DLGAP1: variants seen among roughly 807,000 people sequenced by gnomAD.
DLGAP1 encodes disks large-associated protein 1.
Under a neutral mutation model 90.8 loss-of-function variants are expected in DLGAP1, and 11 were observed. The observed-to-expected ratio is 0.12, with a 90% CI of 0.08 to 0.20. The LOEUF (loss-of-function observed/expected upper bound fraction) is 0.20, where lower values mean the gene tolerates loss of function less well. DLGAP1 is among the 10% of genes least tolerant of loss of function. The pLI is 1.00. For missense variants in DLGAP1, 1,050 were observed against 1,333.8 expected (o/e 0.79, Z 3.31); for synonymous variants, 558 against 540.7 (o/e 1.03, Z -0.44).
rs895895444 is a variant in DLGAP1, at chr18:3,753,981, A to G, written c.1173-11469T>C. Among the ~76,000 whole-genome samples the G allele has an allele frequency of 2.6e-5, 4 of 152,112 alleles. No individual in the cohort carries two copies. The East Asian group carries it at 7.7e-4, about 29-fold the overall frequency. ...ATGGCATAGTATTTGCAAATAACCT[A>G]TGCACATCCTCCCATCTATTTTATT... On this transcript the variant is annotated intron_variant, in intron 5 of 12. Coordinates refer to ENST00000315677, the MANE Select transcript of DLGAP1 (RefSeq NM_004746.4).
intron 1 of DLGAP1, among the ~76,000 whole-genome samples, chr18:4,233,995 CTTAA>C (rs1403860694): frequency 8.6e-5 from 13 of 151,806 alleles, no homozygotes; most frequent in African/African-American, 3.1e-4. Flanking sequence ...ATTTAAATAT[CTTAA>C]TTTTCACTTC....
intron 1 of DLGAP1, among the ~76,000 whole-genome samples, chr18:4,158,556 CT>C (rs1202522477): frequency 6.6e-6 from 1 of 152,138 alleles, no homozygotes; most frequent in Non-Finnish European, 1.5e-5. Context: ...AGAACACCTT[CT>C]TTTGAAAATC....
intron 4 of DLGAP1, among the ~76,000 whole-genome samples, chr18:3,828,621 CAG>C (rs2067855214): frequency 1.9e-5 from 2 of 102,776 alleles, no homozygotes; most frequent in Admixed American, 3.2e-4. Flanking sequence ...GCCTGGGTGA[CAG>C]AGCAAGACTC....
chr18:3,814,418 G>A lies in DLGAP1; in HGVS notation c.958-145C>T. On this transcript the variant is annotated intron_variant, in intron 4 of 12. Coordinates refer to ENST00000315677, the MANE Select transcript of DLGAP1 (RefSeq NM_004746.4). Reference sequence around the variant, plus strand: ...GCTTTGTCGCCCAGACTGGAGTGCAGTGGTGCAATCTTGGCTCACTGCAAG... The same window carrying A: ...GCTTTGTCGCCCAGACTGGAGTGCAATGGTGCAATCTTGGCTCACTGCAAG... 18 of 759,958 alleles carry A rather than the reference G, an allele frequency of 2.4e-5. No individual in the cohort carries two copies. In the South Asian group the frequency reaches 3.6e-4, roughly 15 times the overall value. 47.1% of individuals were successfully genotyped at this position (759,958 alleles called of 1,614,324 possible).
intron 1 of DLGAP1, among the ~76,000 whole-genome samples, chr18:4,166,961 A>G (rs2076943845): frequency 1.3e-5 from 2 of 152,218 alleles, no homozygotes; most frequent in South Asian, 4.1e-4. Context: ...TAATGTTTGC[A>G]TAATAATGTG....
intron 1 of DLGAP1, among the ~76,000 whole-genome samples, chr18:4,232,918 A>T (rs1477940648): frequency 6.6e-6 from 1 of 152,232 alleles, no homozygotes; most frequent in East Asian, 1.9e-4. Flanking sequence ...CAGCTCTCAA[A>T]GGAAACCACA....
At chr18:4,349,551 T>G (rs1171645386) in intron 1 of DLGAP1, among the ~76,000 whole-genome samples, 1 of 151,486 alleles carries the variant, frequency 6.6e-6, no homozygotes, top group African/African-American at 2.4e-5. Flanking sequence ...AGAATAAAAG[T>G]GAAAAAAAAC....
chr18:4,153,175 T>C (rs193219613), intron 1 of DLGAP1, among the ~76,000 whole-genome samples: 21 of 152,336 alleles, frequency 1.4e-4, no homozygotes, highest in Admixed American at 1.4e-3. Flanking sequence ...TGTCATCTAG[T>C]GTAATGGTTG....
rs71366699 is a variant in DLGAP1, at chr18:3,659,394, T to TACACACACACAC, written c.1591+69729_1591+69740dup. Among the ~76,000 whole-genome samples, 109 of 102,168 alleles carry TACACACACACAC rather than the reference T, an allele frequency of 1.1e-3. 5 individuals are homozygous for TACACACACACAC. Among genetic ancestry groups the TACACACACACAC allele is most frequent in the African/African-American group, 3.6e-3 (75 of 21,026 alleles). The allele number at this position is 102,168 out of a possible 152,430, so 67.0% of individuals were successfully genotyped here. ...GGGTAAGCCGTAACACATACATTTA[T>TACACACACACAC]ACACACACACACACACACACACACA... On this transcript the variant is annotated intron_variant, in intron 7 of 12. Transcript: ENST00000315677.
At chr18:4,292,976 C>A (rs1225159458) in intron 1 of DLGAP1, among the ~76,000 whole-genome samples, 1 of 152,156 alleles carries the variant, frequency 6.6e-6, no homozygotes, top group African/African-American at 2.4e-5. Context: ...TAGGTGATAA[C>A]TTTGAAAGGT....
chr18:4,150,508 A>C (rs2076657445), intron 2 of DLGAP1, among the ~76,000 whole-genome samples: 1 of 152,046 alleles, frequency 6.6e-6, no homozygotes, highest in Non-Finnish European at 1.5e-5. Context: ...CTCCTGCCTT[A>C]GTCTCCCCAG....
chr18:3,699,099 G>C (rs1401945042), intron 7 of DLGAP1, among the ~76,000 whole-genome samples: 3 of 151,954 alleles, frequency 2.0e-5, no homozygotes, highest in Non-Finnish European at 2.9e-5. Flanking sequence ...CGCTCCTTTT[G>C]CTCGGAGGAG....
chr18:4,437,623 G>A (rs1371193236), intron 1 of DLGAP1, among the ~76,000 whole-genome samples: 1 of 152,170 alleles, frequency 6.6e-6, no homozygotes, highest in Non-Finnish European at 1.5e-5. Context: ...TTCCATTTGT[G>A]GATGGCTGAA....
chr18:4,424,452 T>C (rs928013528), intron 1 of DLGAP1, among the ~76,000 whole-genome samples: 13 of 152,212 alleles, frequency 8.5e-5, no homozygotes, highest in African/African-American at 3.1e-4. Flanking sequence ...AGTTTTATTA[T>C]TAAGAAAATC....
intron 5 of DLGAP1, among the ~76,000 whole-genome samples, chr18:3,765,872 T>G (rs2064220379): frequency 6.6e-6 from 1 of 151,698 alleles, no homozygotes; most frequent in African/African-American, 2.4e-5. Context: ...TCAAAAACAC[T>G]ATAAATAAAA....
intron 1 of DLGAP1, among the ~76,000 whole-genome samples, chr18:4,239,728 G>C (rs1216216622): frequency 6.6e-6 from 1 of 152,102 alleles, no homozygotes; most frequent in African/African-American, 2.4e-5. Flanking sequence ...AACTATACAG[G>C]CCTCCTTAGT....
At position 4,265,537 on chromosome 18, in the gene DLGAP1, T is replaced by C. The variant is rs192179498; in HGVS notation, c.-266-114250A>G. ...TCTTTTTCTTTCTTTCCTTCCTTCCTTCCCTCCCCTTCCTTCCTTCCTTCC... is the reference window on the plus strand; with the variant it reads ...TCTTTTTCTTTCTTTCCTTCCTTCCCTCCCTCCCCTTCCTTCCTTCCTTCC... On this transcript the variant is annotated intron_variant, in intron 1 of 12. Transcript: ENST00000315677. Among the ~76,000 whole-genome samples the C allele has an allele frequency of 3.1e-3, 333 of 106,962 alleles. 11 individuals are homozygous for C. The highest frequency in any genetic ancestry group is 0.014 in the Middle Eastern group (3 of 222). 70.2% of individuals were successfully genotyped at this position (106,962 alleles called of 152,430 possible).
At chr18:4,154,341 A>T (rs1478687643) in intron 1 of DLGAP1, among the ~76,000 whole-genome samples, 1 of 150,490 alleles carries the variant, frequency 6.6e-6, no homozygotes, top group Non-Finnish European at 1.5e-5. Flanking sequence ...CTTTTTTTTT[A>T]AATAAAAAAA....
chr18:3,955,335 A>G (rs2073063397), intron 3 of DLGAP1, among the ~76,000 whole-genome samples: 1 of 152,230 alleles, frequency 6.6e-6, no homozygotes, highest in Non-Finnish European at 1.5e-5. Context: ...TCAGAACAAA[A>G]CATAAGAATA....
Sources: allele counts gnomAD v4.1 joint callset (sites outside exome capture counted in the v4.1 genomes callset), GRCh38; gene constraint gnomAD v4.1.1; transcripts MANE v1.5; gene names NCBI Gene and HGNC (gene_info 2026-07-23, HGNC 2026-07-21).